TCF20: variants seen among roughly 807,000 people sequenced by gnomAD.
TCF20 encodes the protein SPRE-binding protein.
A neutral mutation model predicts 148.6 loss-of-function variants in TCF20; 3 were observed. The ratio of observed to expected loss-of-function variants is 0.02; its 90% confidence interval spans 0.01 to 0.05. The LOEUF is 0.05. Ranked by LOEUF, TCF20 falls within the 10% of genes least tolerant of loss-of-function variation. The pLI, the probability that TCF20 is intolerant of heterozygous loss-of-function variation, is 1.00. For synonymous variants in TCF20, 1,049 were observed against 909.5 expected, an observed-to-expected ratio of 1.15 and a Z score of -2.76; for missense variants, 2,350 against 2,429.3, an observed-to-expected ratio of 0.97 and a Z score of 0.69.
chr22:42,168,604 C>T lies in TCF20; in HGVS notation c.*44+5G>A. 2 of 1,561,232 alleles carry T rather than the reference C, an allele frequency of 1.3e-6. No individual in the cohort carries two copies. The highest frequency in any genetic ancestry group is 1.7e-6 in the Non-Finnish European group (2 of 1,154,764). On this transcript the variant is annotated splice_donor_5th_base_variant and intron_variant, in intron 5 of 5. Transcript: ENST00000677622. ...GATGCAGGGAGCCCGGTGGCCCCGA[C>T]TCACCTGTGCTTGCTGTCCTTTCCA...
At position 42,299,720 on chromosome 22, in the gene TCF20, G is replaced by A. The variant is rs1473165785; in HGVS notation, c.-37+43759C>T. Among the ~76,000 whole-genome samples, 5 of 152,068 alleles carry A rather than the reference G, an allele frequency of 3.3e-5. No individual in the cohort carries two copies. Among genetic ancestry groups the A allele is most frequent in the Non-Finnish European group, 7.4e-5 (5 of 68,002 alleles). On this transcript the variant is annotated intron_variant, in intron 1 of 1. Transcript: ENST00000515426. This position sits in a 1 kb window ranked among gnomAD's most constrained non-coding sequence, Gnocchi z 4.1. Reference sequence around the variant, plus strand: ...ACCTGGCTGGGGTCTCTCTAGGTCAGGTAATTAATAGCAGGAGGGAAGTGC... The same window carrying A: ...ACCTGGCTGGGGTCTCTCTAGGTCAAGTAATTAATAGCAGGAGGGAAGTGC...
chr22:42,225,539 G>A (rs960651076), intron 1 of TCF20, among the ~76,000 whole-genome samples: 14 of 150,382 alleles, frequency 9.3e-5, no homozygotes, highest in Non-Finnish European at 5.9e-5. Context: ...GCGTGAACCC[G>A]GGAGGCGGAG....
chr22:42,222,802 C>T (rs1922498612), intron 1 of TCF20, among the ~76,000 whole-genome samples: 1 of 152,194 alleles, frequency 6.6e-6, no homozygotes. Context: ...TTAGTAAAAA[C>T]AAACCAATTA....
Position 42,294,120 on chromosome 22 carries a change from C to T in TCF20, c.-37+49359G>A, listed in dbSNP as rs545829126. Among the ~76,000 whole-genome samples the T allele has an allele frequency of 3.5e-4, 54 of 152,140 alleles. 1 individual carries two copies. Among genetic ancestry groups the T allele is most frequent in the Non-Finnish European group, 5.6e-4 (38 of 68,022 alleles). On this transcript the variant is annotated intron_variant, in intron 1 of 1. Coordinates refer to the TCF20 transcript ENST00000515426. ...GAAGAGCCTGGGAAGTGGGAACATC[C>T]CCGCAGGGCCAGCCTCACAGTGGGG... is the stretch of plus-strand genomic sequence containing the variant.
chr22:42,183,452 C>A (rs1936879384), intron 2 of TCF20, among the ~76,000 whole-genome samples: 1 of 152,204 alleles, frequency 6.6e-6, no homozygotes, highest in African/African-American at 2.4e-5. Context: ...CAGTTGTCAG[C>A]TTCAGGGAGA....
At chr22:42,284,825 C>G (rs1400579077), upstream of TCF20, among the ~76,000 whole-genome samples, 4 of 152,240 alleles carry the variant, frequency 2.6e-5, no homozygotes, top group African/African-American at 7.2e-5. Context: ...CTTCACACCC[C>G]CTTCCTACCC....
At chr22:42,216,158 T>TA (rs1292848885) in intron 1 of TCF20, among the ~76,000 whole-genome samples, 1 of 132,930 alleles carries the variant, frequency 7.5e-6, no homozygotes, top group Non-Finnish European at 1.6e-5. Flanking sequence ...GGCACAGTCG[T>TA]AGTTCACTGC....
intron 3 of TCF20, among the ~76,000 whole-genome samples, chr22:42,174,820 G>A (rs10427653): frequency 3.3e-5 from 5 of 152,128 alleles, no homozygotes; most frequent in Middle Eastern, 3.4e-3. Context: ...CAGATCACAA[G>A]GTCAGGAGAT....
At chr22:42,181,943 T>C (rs1936797216) in intron 2 of TCF20, among the ~76,000 whole-genome samples, 1 of 152,186 alleles carries the variant, frequency 6.6e-6, no homozygotes, top group South Asian at 2.1e-4. Flanking sequence ...CAGGTAATTT[T>C]TCTTGCGCAG....
intron 2 of TCF20, among the ~76,000 whole-genome samples, chr22:42,201,955 G>C (rs1938058973): frequency 6.6e-6 from 1 of 152,108 alleles, no homozygotes; most frequent in Non-Finnish European, 1.5e-5. Flanking sequence ...TAATTCCTGA[G>C]TGTGTTCGTG....
intron 1 of TCF20, among the ~76,000 whole-genome samples, chr22:42,331,153 G>A (rs756130754): frequency 1.8e-4 from 28 of 152,326 alleles, no homozygotes; most frequent in Non-Finnish European, 3.1e-4. Context: ...GGGTAATCAC[G>A]GGCTCCCCTC....
chr22:42,226,554 A>G (rs1214033542), intron 1 of TCF20, among the ~76,000 whole-genome samples: 1 of 151,932 alleles, frequency 6.6e-6, no homozygotes, highest in Non-Finnish European at 1.5e-5. Flanking sequence ...AAAATACAAA[A>G]ACTGGCCACA....
intron 1 of TCF20, among the ~76,000 whole-genome samples, chr22:42,323,953 ATGGTGG>A (rs1365223048): frequency 2.3e-4 from 5 of 21,360 alleles, no homozygotes; most frequent in Non-Finnish European, 3.8e-4. Context: ...GATGGAGGTT[ATGGTGG>A]TGGTGGTGAT....
At chr22:42,164,728 A>G (rs185716594) in intron 5 of TCF20, among the ~76,000 whole-genome samples, 25 of 152,354 alleles carry the variant, frequency 1.6e-4, no homozygotes, top group African/African-American at 5.8e-4. Flanking sequence ...GAGGGGGGCA[A>G]TGGAGACAAG....
chr22:42,204,434 GC>G (rs1938250253), intron 2 of TCF20, among the ~76,000 whole-genome samples: 1 of 152,196 alleles, frequency 6.6e-6, no homozygotes, highest in African/African-American at 2.4e-5. Flanking sequence ...GGCGGAGGTT[GC>G]CGTGAGCCGA....
Position 42,161,283 on chromosome 22 carries a change from C to CAGGGT in TCF20, c.*115_*119dup. 6.2e-7 allele frequency: 1 copy of CAGGGT among 1,610,384 alleles called. No homozygotes were observed. Among genetic ancestry groups the CAGGGT allele is most frequent in the Non-Finnish European group, 8.5e-7 (1 of 1,178,390 alleles). On this transcript the variant is annotated 3_prime_UTR_variant, in exon 6 of 6. Transcript: ENST00000677622. Reference sequence around the variant, plus strand: ...GCGGGCGGGGCGGGGCGGGGCAGGGCAGGGTGTGGCTGCACGGTAGGACGA... The same window carrying CAGGGT: ...GCGGGCGGGGCGGGGCGGGGCAGGGCAGGGTAGGGTGTGGCTGCACGGTAGGACGA...
chr22:42,218,423 A>T (rs1284017487), intron 1 of TCF20, among the ~76,000 whole-genome samples: 1 of 152,126 alleles, frequency 6.6e-6, no homozygotes, highest in Non-Finnish European at 1.5e-5. Flanking sequence ...AACTATCAAG[A>T]GCAATTCTGT....
At chr22:42,266,249 G>GCT in intron 1 of TCF20, among the ~76,000 whole-genome samples, 1 of 152,268 alleles carries the variant, frequency 6.6e-6, no homozygotes, top group African/African-American at 2.4e-5. Context: ...AGCTCTACCA[G>GCT]CTCTCAGGGA....
rs557327107 is a variant in TCF20, at chr22:42,247,731, G to A, written c.-37+22608C>T. Among the ~76,000 whole-genome samples, 229 of 152,238 alleles carry A rather than the reference G, an allele frequency of 1.5e-3. 2 individuals are homozygous for A. In the South Asian group the frequency reaches 0.046, roughly 31 times the overall value. ...ACTAGACCAGGGACTGGGGAAGAAA[G>A]GTTACTATTCACGAAGCTACAAGAG... On this transcript the variant is annotated intron_variant, in intron 1 of 5. Transcript: ENST00000677622.
Sources: allele counts gnomAD v4.1 joint callset (sites outside exome capture counted in the v4.1 genomes callset), GRCh38; gene constraint gnomAD v4.1.1; non-coding constraint Gnocchi (gnomAD v3.1); transcripts MANE v1.5; gene names NCBI Gene and HGNC (gene_info 2026-07-23, HGNC 2026-07-21).